Variants in CLCA4 observed in about 807,000 individuals in gnomAD.
CLCA4 encodes calcium-activated chloride channel regulator 4.
In CLCA4, 69 loss-of-function variants were observed where a neutral mutation model predicts 78.9. That is an observed-to-expected ratio of 0.87 (90% CI 0.72 to 1.07). The LOEUF is 1.07. CLCA4 is among the 50% of genes least tolerant of loss of function. The pLI is 0.00. For missense variants in CLCA4, 1,133 were observed against 1,095.8 expected, an observed-to-expected ratio of 1.03 and a Z score of -0.48; for synonymous variants, 362 against 375.8, an observed-to-expected ratio of 0.96 and a Z score of 0.42.
At chr1:86,551,661 C>T (rs1202012508) in intron 1 of CLCA4, among the ~76,000 whole-genome samples, 1 of 152,208 alleles carries the variant, frequency 6.6e-6, no homozygotes. Context: ...AATGCTATTT[C>T]CTCAGCCAGG....
rs778589721 is a variant in CLCA4 at position 86,567,547 on chromosome 1, A to C, written c.1078A>C (p.Ile360Leu). Reference protein sequence around the residue: ...DSTATIVNKLIQIKSSDERNT... With the variant: ...DSTATIVNKLLQIKSSDERNT... ...TACTGCCACTATTGTAAATAAGCTA[A>C]TCCAAATAAAAAGCAGTGATGAAAG... is the stretch of plus-strand genomic sequence containing the variant. The change falls in exon 7 of 14, where the codon ATC (isoleucine) becomes CTC (leucine). Residue 360 changes from isoleucine (I) to leucine (L), a missense_variant. Coordinates refer to ENST00000370563, the MANE Select transcript of CLCA4 (RefSeq NM_012128.4). 8.7e-6 allele frequency: 14 copies of C among 1,613,380 alleles called. No individual in the cohort carries two copies. The South Asian group carries it at 1.4e-4, about 16-fold the overall frequency.
intron 6 of CLCA4, among the ~76,000 whole-genome samples, chr1:86,566,627 C>A (rs149782655): frequency 6.6e-6 from 1 of 152,028 alleles, no homozygotes; most frequent in African/African-American, 2.4e-5. Context: ...AGGAATTGAG[C>A]CACAACAATG....
chr1:86,576,143 TG>T (rs1326464401), intron 11 of CLCA4, among the ~76,000 whole-genome samples: 4 of 151,858 alleles, frequency 2.6e-5, no homozygotes, highest in Non-Finnish European at 5.9e-5. Flanking sequence ...CGTTTTTGGT[TG>T]TTGAATTTTT....
rs1326190526 is a variant in CLCA4 at position 86,563,592 on chromosome 1, G to T, written c.449-69G>T. 4.2e-6 allele frequency: 3 copies of T among 713,696 alleles called. No individual in the cohort carries two copies. The African/African-American group carries it at 5.4e-5, about 13-fold the overall frequency. 44.2% of individuals were successfully genotyped at this position (713,696 alleles called of 1,614,324 possible). On this transcript the variant is annotated intron_variant, in intron 3 of 13. Coordinates refer to ENST00000370563, the MANE Select transcript of CLCA4 (RefSeq NM_012128.4). The stretch of plus-strand genomic sequence containing the variant: ...AATATATTTTATAATTGAAAGAGAA[G>T]CTTCTTAAAATATGATACAAAACGT...
Position 86,580,058 on chromosome 1 carries a change from A to AGCT in CLCA4, c.2474_2476dup (p.Ser825_Phe826insCys). 6.2e-7 allele frequency: 1 copy of AGCT among 1,613,060 alleles called. No homozygotes were observed. The highest frequency in any genetic ancestry group is 8.5e-7 in the Non-Finnish European group (1 of 1,179,470). ...ACCAAAGGAGGCCAACTCCAAGGAA[A>AGCT]GCTTTGCATTTAAACCAGAAAATAT... On this transcript the variant is annotated inframe_insertion, in exon 14 of 14. Coordinates refer to ENST00000370563, the MANE Select transcript of CLCA4 (RefSeq NM_012128.4).
chr1:86,552,936 C>A, intron 1 of CLCA4: 1 of 650,396 alleles, frequency 1.5e-6, no homozygotes, highest in East Asian at 2.6e-5. Context: ...GCGGGTGCCT[C>A]GGCGTCTGTG....
At chr1:86,567,019 G>A (rs958173866) in intron 6 of CLCA4, among the ~76,000 whole-genome samples, 1 of 151,976 alleles carries the variant, frequency 6.6e-6, no homozygotes, top group African/African-American at 2.4e-5. Flanking sequence ...GTCTCTGGTT[G>A]GAGTCTGCAA....
At chr1:86,550,782 T>G (rs1649631222) in intron 1 of CLCA4, among the ~76,000 whole-genome samples, 1 of 151,324 alleles carries the variant, frequency 6.6e-6, no homozygotes, top group East Asian at 1.9e-4. Context: ...AAAAGTGCCT[T>G]TCATCCTTAT....
intron 6 of CLCA4, 39 bp from the exon 7 acceptor site, chr1:86,567,385 C>CA (rs1558191380): frequency 6.6e-7 from 1 of 1,509,854 alleles, no homozygotes; most frequent in Non-Finnish European, 9.0e-7. Context: ...ATTTTCCAGT[C>CA]AAAATCACTT....
Position 86,560,301 on chromosome 1 carries a change from A to G in CLCA4, c.391A>G (p.Ile131Val), listed in dbSNP as rs983966556. 5.0e-6 allele frequency: 8 copies of G among 1,613,924 alleles called. No homozygotes were observed. The African/African-American group carries it at 9.3e-5, about 19-fold the overall frequency. ...AGAATGTGGAGAGAAAGGCGAATAC[A>G]TTCACTTCACCCCTGACCTTCTACT... ...FTECGEKGEY[I>V]HFTPDLLLGK... The change falls in exon 3 of 14, where the codon ATT (isoleucine) becomes GTT (valine). Residue 131 changes from isoleucine to valine, a missense_variant. Physicochemically the swap from Ile to Val is conservative, Grantham distance 29. Coordinates refer to ENST00000370563, the MANE Select transcript of CLCA4 (RefSeq NM_012128.4).
rs113549599 is a variant in CLCA4, at chr1:86,576,643, G to A, written c.1951+1044G>A. ...AAACTAAATGTGATTAAGTGATAGA[G>A]CTTGGGTCTCTGGCAGGAAAAGAAA... On this transcript the variant is annotated intron_variant, in intron 11 of 13. Transcript: ENST00000370563. Among the ~76,000 whole-genome samples the A allele has an allele frequency of 6.0e-3, 919 of 152,192 alleles. 13 individuals are homozygous for A. Among genetic ancestry groups the A allele is most frequent in the African/African-American group, 0.021 (867 of 41,560 alleles).
In CLCA4 at chr1:86,565,452, G is replaced by GT. The variant is rs780015722; in HGVS notation, c.735+2dup. 9 of 1,568,030 alleles carry GT rather than the reference G, an allele frequency of 5.7e-6. No homozygotes were observed. Among genetic ancestry groups the GT allele is most frequent in the Non-Finnish European group, 7.8e-6 (9 of 1,155,286 alleles). ...AATGTTTATGCAAAGTATTGATTCT[G>GT]TAAGTATGCTGATAATTGCTTCCAG... On this transcript the variant is annotated splice_donor_variant, in intron 5 of 13. Coordinates refer to ENST00000370563, the MANE Select transcript of CLCA4 (RefSeq NM_012128.4). LOFTEE classifies it high-confidence loss of function.
At chr1:86,553,126 A>T in intron 1 of CLCA4, 2 of 808,150 alleles carry the variant, frequency 2.5e-6, no homozygotes, top group East Asian at 2.5e-5. Context: ...ATCCTGCGTC[A>T]TCTCCTCTTG....
chr1:86,556,716 G>C (rs937445903), intron 1 of CLCA4, among the ~76,000 whole-genome samples: 1 of 152,152 alleles, frequency 6.6e-6, no homozygotes, highest in Non-Finnish European at 1.5e-5. Context: ...AGTTGGAGAG[G>C]ATCCCTCCCT....
Position 86,580,157 on chromosome 1 carries a change from T to C in CLCA4, c.2572T>C (p.Ser858Pro). The change falls in exon 14 of 14, where the codon TCC (serine) becomes CCC (proline). Residue 858 changes from serine (S) to proline (P), a missense_variant. Physicochemically the swap from Ser to Pro is moderately conservative, Grantham distance 74. Transcript: ENST00000370563. ...IDKSNLTSKV[S>P]NIAQVTLFIP... ...TAAAAGCAATTTGACATCAAAAGTA[T>C]CCAACATTGCACAAGTAACTTTGTT... The C allele has an allele frequency of 6.2e-7, 1 of 1,612,878 alleles. No homozygotes were observed. The highest frequency in any genetic ancestry group is 8.5e-7 in the Non-Finnish European group (1 of 1,179,396).
intron 4 of CLCA4, among the ~76,000 whole-genome samples, chr1:86,564,676 T>A (rs923774571): frequency 6.6e-6 from 1 of 152,154 alleles, no homozygotes; most frequent in Non-Finnish European, 1.5e-5. Flanking sequence ...AGCATATTTG[T>A]TGTAATCACT....
intron 1 of CLCA4, among the ~76,000 whole-genome samples, chr1:86,553,848 A>G (rs1414811070): frequency 6.6e-6 from 1 of 152,100 alleles, no homozygotes; most frequent in Non-Finnish European, 1.5e-5. Flanking sequence ...AGGCAGGAGA[A>G]TCGCTTGAAC....
chr1:86,562,687 T>C (rs1275432249), intron 3 of CLCA4, among the ~76,000 whole-genome samples: 1 of 151,726 alleles, frequency 6.6e-6, no homozygotes, highest in Admixed American at 6.6e-5. Flanking sequence ...ACCCCATCTC[T>C]ACGAAAAATA....
At chr1:86,578,622 C>A (rs938691249) in intron 12 of CLCA4, among the ~76,000 whole-genome samples, 1 of 151,932 alleles carries the variant, frequency 6.6e-6, no homozygotes, top group African/African-American at 2.4e-5. Context: ...CATGTTCCTG[C>A]AAAAGACATG....
Sources: gnomAD v4.1 joint callset for allele counts (sites outside exome capture counted in the v4.1 genomes callset) on GRCh38, gnomAD v4.1.1 for gene constraint, MANE v1.5 for transcripts, NCBI Gene and HGNC (gene_info 2026-07-23, HGNC 2026-07-21) for gene names.